Variants in KHDRBS2 observed in about 807,000 individuals in gnomAD.
KHDRBS2 encodes KH domain-containing, RNA-binding, signal transduction-associated protein 2.
A neutral mutation model predicts 44.3 loss-of-function variants in KHDRBS2; 26 were observed. That is an observed-to-expected ratio of 0.59 (90% confidence interval 0.43 to 0.81). KHDRBS2 has a LOEUF of 0.81. KHDRBS2 is among the 40% of genes least tolerant of loss of function. The probability of loss-of-function intolerance (pLI) is 0.00; values close to 1 mark genes in which losing one functional copy is unlikely to be tolerated. For synonymous variants in KHDRBS2, 194 were observed against 151.1 expected (o/e 1.28, Z -2.08); for missense variants, 476 against 433.1 (o/e 1.10, Z -0.88).
the KHDRBS2 span, among the ~76,000 whole-genome samples, chr6:61,543,682 G>C: frequency 2.0e-5 from 3 of 151,944 alleles, no homozygotes; most frequent in Non-Finnish European, 4.4e-5. Flanking sequence ...TCAAATATCC[G>C]AGATTTGAAA....
chr6:61,735,202 T>A (rs1775139168), intron 6 of KHDRBS2, among the ~76,000 whole-genome samples: 1 of 152,130 alleles, frequency 6.6e-6, no homozygotes. Context: ...TGGAAACTCA[T>A]CTACCCTTCA....
chr6:62,022,403 T>C (rs1344124139), intron 3 of KHDRBS2, among the ~76,000 whole-genome samples: 1 of 151,636 alleles, frequency 6.6e-6, no homozygotes, highest in Admixed American at 6.6e-5. Context: ...TGTCTGTGTA[T>C]CAAAATGGTA....
chr6:61,906,701 C>T (rs1406284316), intron 4 of KHDRBS2, among the ~76,000 whole-genome samples: 1 of 152,088 alleles, frequency 6.6e-6, no homozygotes, highest in Non-Finnish European at 1.5e-5. Flanking sequence ...CGACAGTTTC[C>T]ATCTACGTTG....
intron 7 of KHDRBS2, among the ~76,000 whole-genome samples, chr6:61,714,732 T>G (rs546205145): frequency 6.6e-6 from 1 of 151,864 alleles, no homozygotes; most frequent in Non-Finnish European, 1.5e-5. Flanking sequence ...AAGAATGAAA[T>G]CATGTATTTT....
At chr6:62,061,923 T>A (rs1792030626) in intron 2 of KHDRBS2, among the ~76,000 whole-genome samples, 1 of 151,816 alleles carries the variant, frequency 6.6e-6, no homozygotes, top group Non-Finnish European at 1.5e-5. Context: ...TTTCATTTAT[T>A]TCATCTTCCA....
intron 8 of KHDRBS2, among the ~76,000 whole-genome samples, chr6:61,688,116 A>G (rs1767013159): frequency 6.6e-6 from 1 of 151,716 alleles, no homozygotes; most frequent in Admixed American, 6.6e-5. Context: ...TTTATGCTTG[A>G]CTCTGCTGTA....
chr6:61,962,277 C>T (rs1460965798), intron 4 of KHDRBS2, among the ~76,000 whole-genome samples: 11 of 152,026 alleles, frequency 7.2e-5, no homozygotes, highest in Non-Finnish European at 1.5e-4. Context: ...TAGGCTCCTG[C>T]TTCAGTAGAA....
intron 3 of KHDRBS2, among the ~76,000 whole-genome samples, chr6:62,028,239 GT>G (rs903932867): frequency 5.9e-5 from 9 of 151,888 alleles, no homozygotes; most frequent in Non-Finnish European, 1.2e-4. Flanking sequence ...AGAAATGGGA[GT>G]TTTTTTCTTT....
intron 2 of KHDRBS2, among the ~76,000 whole-genome samples, chr6:62,111,926 A>G (rs766919465): frequency 6.6e-6 from 1 of 152,204 alleles, no homozygotes; most frequent in Non-Finnish European, 1.5e-5. Flanking sequence ...GGCCCCAATC[A>G]TGAAGTTTCT....
chr6:61,952,666 A>G (rs1186534927), intron 4 of KHDRBS2, among the ~76,000 whole-genome samples: 2 of 152,060 alleles, frequency 1.3e-5, no homozygotes, highest in Non-Finnish European at 2.9e-5. Flanking sequence ...AGCCAAGTAC[A>G]ATTTTCCACC....
intron 6 of KHDRBS2, among the ~76,000 whole-genome samples, chr6:61,892,715 C>G (rs1466198078): frequency 6.6e-6 from 1 of 152,198 alleles, no homozygotes; most frequent in Non-Finnish European, 1.5e-5. Flanking sequence ...AAAGCTGAAA[C>G]TGGATCCCTT....
At chr6:62,243,202 C>A (rs936046390) in intron 1 of KHDRBS2, among the ~76,000 whole-genome samples, 3 of 151,754 alleles carry the variant, frequency 2.0e-5, no homozygotes, top group Non-Finnish European at 4.4e-5. Flanking sequence ...TATATCATAT[C>A]TATGTATGTA....
intron 2 of KHDRBS2, among the ~76,000 whole-genome samples, chr6:62,103,962 G>A (rs558772261): frequency 2.0e-5 from 3 of 152,058 alleles, no homozygotes; most frequent in African/African-American, 7.2e-5. Flanking sequence ...GAAACATAAG[G>A]TCATAAAGGA....
chr6:61,997,684 A>T (rs1287616314), intron 3 of KHDRBS2, among the ~76,000 whole-genome samples: 3 of 152,190 alleles, frequency 2.0e-5, no homozygotes, highest in African/African-American at 7.2e-5. Flanking sequence ...CCTAATCCTC[A>T]ATAAAGCCCT....
chr6:61,931,837 T>A (rs1810109319), intron 4 of KHDRBS2, among the ~76,000 whole-genome samples: 1 of 152,038 alleles, frequency 6.6e-6, no homozygotes, highest in African/African-American at 2.4e-5. Flanking sequence ...CTGCCATCCC[T>A]GAAACAGCAA....
At chr6:61,874,174 CT>C (rs899011253) in intron 6 of KHDRBS2, among the ~76,000 whole-genome samples, 4 of 151,784 alleles carry the variant, frequency 2.6e-5, no homozygotes, top group South Asian at 2.1e-4. Context: ...CATTTGAAGA[CT>C]TTTTTTCAAA....
At chr6:62,234,682 C>G (rs1182670217) in intron 1 of KHDRBS2, among the ~76,000 whole-genome samples, 1 of 151,994 alleles carries the variant, frequency 6.6e-6, no homozygotes, top group Non-Finnish European at 1.5e-5. Flanking sequence ...TACCTAATGT[C>G]CATTTAGCAC....
At chr6:61,693,789 A>G (rs1169658890) in intron 8 of KHDRBS2, among the ~76,000 whole-genome samples, 1 of 152,134 alleles carries the variant, frequency 6.6e-6, no homozygotes. Context: ...AGACTTTGCA[A>G]CAGCAGGAGA....
At chr6:62,032,055 T>G (rs990059864) in intron 3 of KHDRBS2, among the ~76,000 whole-genome samples, 1 of 152,040 alleles carries the variant, frequency 6.6e-6, no homozygotes, top group Admixed American at 6.6e-5. Context: ...TTCTGCATGT[T>G]TGGGAGAAAG....
Sources: allele counts gnomAD v4.1 joint callset (sites outside exome capture counted in the v4.1 genomes callset), GRCh38; gene constraint gnomAD v4.1.1; transcripts MANE v1.5; gene names NCBI Gene and HGNC (gene_info 2026-07-23, HGNC 2026-07-21).